Variants in NALF1 observed in about 807,000 individuals in gnomAD.
NALF1 encodes family with sequence similarity 155 member A.
A neutral mutation model predicts 48.4 loss-of-function variants in NALF1; 3 were observed. The observed-to-expected ratio is 0.06, with a 90% confidence interval of 0.03 to 0.16. The LOEUF (loss-of-function observed/expected upper bound fraction) is 0.16. Ranked by LOEUF, NALF1 falls within the 10% of genes least tolerant of loss-of-function variation. The pLI, the probability that NALF1 is intolerant of heterozygous loss-of-function variation, is 1.00. For synonymous variants in NALF1, 262 were observed against 245.7 expected (o/e 1.07, Z -0.62); for missense variants, 526 against 571.5 (o/e 0.92, Z 0.81).
At chr13:107,710,882 T>C (rs1875568711) in intron 1 of NALF1, among the ~76,000 whole-genome samples, 1 of 151,142 alleles carries the variant, frequency 6.6e-6, no homozygotes, top group African/African-American at 2.4e-5. Context: ...TATACACATA[T>C]ATACACACAG....
intron 1 of NALF1, among the ~76,000 whole-genome samples, chr13:107,530,679 A>C (rs1266711534): frequency 6.6e-6 from 1 of 152,116 alleles, no homozygotes; most frequent in African/African-American, 2.4e-5. Flanking sequence ...AGGAGGCAAA[A>C]ATAATATTGC....
At chr13:107,414,575 A>G in intron 1 of NALF1, among the ~76,000 whole-genome samples, 1 of 151,354 alleles carries the variant, frequency 6.6e-6, no homozygotes, top group East Asian at 1.9e-4. Flanking sequence ...TCACTCTACT[A>G]TTTTCCCGAT....
At chr13:107,244,552 T>C (rs2138838132) in intron 1 of NALF1, among the ~76,000 whole-genome samples, 2 of 152,274 alleles carry the variant, frequency 1.3e-5, no homozygotes, top group East Asian at 3.9e-4. Context: ...GTCAATCTAG[T>C]TTTTTTGGAG....
rs1412022762 is a variant in NALF1 at position 107,606,119 on chromosome 13, C to CA, written c.915+259562dup. 3.9e-5 allele frequency among the ~76,000 whole-genome samples: 6 copies of CA among 152,198 alleles called. No individual in the cohort carries two copies. The South Asian group carries it at 8.3e-4, about 21-fold the overall frequency. ...AATTCACATGTACATTCAAAAGCCCCAAAATGAGCATTTTACAATCCTTGT... is the reference window on the plus strand; with the variant it reads ...AATTCACATGTACATTCAAAAGCCCCAAAAATGAGCATTTTACAATCCTTGT... On this transcript the variant is annotated intron_variant, in intron 1 of 2. Transcript: ENST00000375915.
intron 1 of NALF1, among the ~76,000 whole-genome samples, chr13:107,818,276 T>C (rs904547558): frequency 6.6e-6 from 1 of 152,116 alleles, no homozygotes; most frequent in South Asian, 2.1e-4. Context: ...CTCTTCCTTT[T>C]TAAGGGATTG....
chr13:107,816,403 T>A (rs551435228), intron 1 of NALF1, among the ~76,000 whole-genome samples: 1 of 152,140 alleles, frequency 6.6e-6, no homozygotes, highest in Non-Finnish European at 1.5e-5. Context: ...CAAAAGGCAC[T>A]TCTTACATGG....
At chr13:107,617,465 T>C (rs1879410076) in intron 1 of NALF1, among the ~76,000 whole-genome samples, 1 of 152,166 alleles carries the variant, frequency 6.6e-6, no homozygotes, top group East Asian at 1.9e-4. Context: ...ACTTAACAAC[T>C]TAAAGAAGCT....
At chr13:107,538,047 C>A (rs766517122) in intron 1 of NALF1, among the ~76,000 whole-genome samples, 2 of 152,038 alleles carry the variant, frequency 1.3e-5, no homozygotes, top group Non-Finnish European at 2.9e-5. Context: ...ATCACCACAA[C>A]AAATTCTTCA....
chr13:107,730,018 T>G lies in NALF1; in HGVS notation c.915+135664A>C, dbSNP rs141775070. Among the ~76,000 whole-genome samples, 503 of 152,276 alleles carry G rather than the reference T, an allele frequency of 3.3e-3. 3 individuals are homozygous for G. Among genetic ancestry groups the G allele is most frequent in the African/African-American group, 0.011 (477 of 41,560 alleles). The stretch of plus-strand genomic sequence containing the variant: ...CTTGGCCAATATAATAAAAGTCACT[T>G]CTGCTGATTATCAATAACATAATCT... On this transcript the variant is annotated intron_variant, in intron 1 of 2. Transcript: ENST00000375915.
intron 2 of NALF1, among the ~76,000 whole-genome samples, chr13:107,179,329 T>A (rs1319749086): frequency 6.6e-6 from 1 of 152,026 alleles, no homozygotes; most frequent in Non-Finnish European, 1.5e-5. Context: ...ATTGAACTCA[T>A]GGAGATAGAA....
chr13:107,804,315 A>G (rs1878708267), intron 1 of NALF1, among the ~76,000 whole-genome samples: 1 of 152,066 alleles, frequency 6.6e-6, no homozygotes, highest in African/African-American at 2.4e-5. Flanking sequence ...GTGCTTCCCT[A>G]GTGCTGGGGA....
intron 1 of NALF1, among the ~76,000 whole-genome samples, chr13:107,406,739 C>T (rs964889813): frequency 2.0e-5 from 3 of 151,572 alleles, no homozygotes; most frequent in African/African-American, 4.8e-5. Flanking sequence ...TAATAGAATG[C>T]CATTCCTCAC....
intron 1 of NALF1, among the ~76,000 whole-genome samples, chr13:107,238,984 T>C (rs145324957): frequency 6.1e-4 from 92 of 151,866 alleles, no homozygotes; most frequent in African/African-American, 2.1e-3. Context: ...AGAAATAACA[T>C]GGAAATATTC....
chr13:107,330,585 G>T (rs1882450812), intron 1 of NALF1, among the ~76,000 whole-genome samples: 1 of 152,200 alleles, frequency 6.6e-6, no homozygotes, highest in Non-Finnish European at 1.5e-5. Context: ...TTCCTAAACT[G>T]ATGTTTCAAA....
At chr13:107,677,544 T>C (rs888529222) in intron 1 of NALF1, among the ~76,000 whole-genome samples, 12 of 146,498 alleles carry the variant, frequency 8.2e-5, no homozygotes, top group African/African-American at 2.7e-4. Flanking sequence ...AAATCAAAAC[T>C]AAATTTAATG....
At position 107,626,060 on chromosome 13, in the gene NALF1, A is replaced by G. The variant is rs546954179; in HGVS notation, c.915+239622T>C. ...TTCTTTTTAACTTGTTAATCTTATG[A>G]ACAACATAAGATTGGAAAATATTGG... On this transcript the variant is annotated intron_variant, in intron 1 of 2. Transcript: ENST00000375915. Among the ~76,000 whole-genome samples, 3 of 152,196 alleles carry G rather than the reference A, an allele frequency of 2.0e-5. No homozygotes were observed. In the East Asian group the frequency reaches 5.8e-4, roughly 29 times the overall value.
In NALF1 at chr13:107,751,517, C is replaced by A. The variant is rs60927450; in HGVS notation, c.915+114165G>T. Among the ~76,000 whole-genome samples, 832 of 152,306 alleles carry A rather than the reference C, an allele frequency of 5.5e-3. 7 individuals carry two copies. The highest frequency in any genetic ancestry group is 0.018 in the African/African-American group (742 of 41,562). ...AAAAGTTAGGTCAACTCACTGCATA[C>A]ATGCACAATTTACTGAACTAAACAA... On this transcript the variant is annotated intron_variant, in intron 1 of 2. Coordinates refer to ENST00000375915, the MANE Select transcript of NALF1 (RefSeq NM_001080396.3).
intron 1 of NALF1, among the ~76,000 whole-genome samples, chr13:107,228,854 C>A (rs1880161887): frequency 6.6e-6 from 1 of 152,126 alleles, no homozygotes; most frequent in Non-Finnish European, 1.5e-5. Context: ...CTCCTGATCT[C>A]AGGTAATCCA....
intron 1 of NALF1, among the ~76,000 whole-genome samples, chr13:107,320,602 C>T (rs1882236137): frequency 6.6e-6 from 1 of 152,040 alleles, no homozygotes; most frequent in Admixed American, 6.6e-5. Context: ...ATAATCCCTC[C>T]ATTATTACTA....
Sources: allele counts gnomAD v4.1 joint callset (sites outside exome capture counted in the v4.1 genomes callset), GRCh38; gene constraint gnomAD v4.1.1; transcripts MANE v1.5; gene names NCBI Gene and HGNC (gene_info 2026-07-23, HGNC 2026-07-21).